Variants in ASXL1 observed in about 807,000 individuals in gnomAD.
ASXL1 encodes polycomb group protein ASXL1.
A neutral mutation model predicts 89.1 loss-of-function variants in ASXL1; 65 were observed. That is an observed-to-expected ratio of 0.73 (90% CI 0.60 to 0.90). ASXL1 has a LOEUF of 0.90. ASXL1 is among the 40% of genes least tolerant of loss of function. The probability of loss-of-function intolerance (pLI) is 0.00; values close to 1 mark genes in which losing one functional copy is unlikely to be tolerated. For synonymous variants in ASXL1, 739 were observed against 746.9 expected (o/e 0.99, Z 0.17); for missense variants, 1,786 against 1,942.9 (o/e 0.92, Z 1.52).
chr20:32,372,469 C>T (rs2048314088), intron 4 of ASXL1: 1 of 973,436 alleles, frequency 1.0e-6, no homozygotes. Flanking sequence ...CTGTAAACTC[C>T]TTGAGAGCAG....
intron 2 of ASXL1, 94 bp downstream of exon 2, chr20:32,366,560 A>G (rs770477219): frequency 6.9e-6 from 11 of 1,600,830 alleles, no homozygotes; most frequent in South Asian, 1.1e-5. Flanking sequence ...CTGTGTATGT[A>G]TTTGTGCTTC....
chr20:32,418,834 TTTTTTTTTTTTTTTTTG>T (rs2049186486), intron 4 of ASXL1, among the ~76,000 whole-genome samples: 1 of 118,064 alleles, frequency 8.5e-6, no homozygotes, highest in African/African-American at 3.7e-5. Context: ...TTTTTTTTTT[TTTTTTTTTTTTTTTTTG>T]AGACGGAGTC....
At chr20:32,375,922 A>T (rs1351541768) in intron 4 of ASXL1, among the ~76,000 whole-genome samples, 1 of 151,990 alleles carries the variant, frequency 6.6e-6, no homozygotes, top group East Asian at 1.9e-4. Flanking sequence ...ACTCGAAGCA[A>T]TCCTCCCACC....
At chr20:32,395,652 C>G (rs2048749223) in intron 4 of ASXL1, among the ~76,000 whole-genome samples, 1 of 152,176 alleles carries the variant, frequency 6.6e-6, no homozygotes, top group Non-Finnish European at 1.5e-5. Context: ...AGTCATACAA[C>G]TCACTGATGC....
chr20:32,359,380 C>T (rs2048070801), intron 1 of ASXL1: 1 of 702,412 alleles, frequency 1.4e-6, no homozygotes, highest in African/African-American at 1.7e-5. Context: ...GAACCCTGAG[C>T]AGCGGTTCTC....
At chr20:32,362,919 A>G (rs576465733) in intron 1 of ASXL1, among the ~76,000 whole-genome samples, 5 of 152,346 alleles carry the variant, frequency 3.3e-5, no homozygotes, top group South Asian at 4.1e-4. Context: ...CGAGGACGCT[A>G]AATGGATTCT....
At chr20:32,367,451 G>A (rs955983416) in intron 2 of ASXL1, among the ~76,000 whole-genome samples, 1 of 152,188 alleles carries the variant, frequency 6.6e-6, no homozygotes, top group Non-Finnish European at 1.5e-5. Flanking sequence ...CACAGTCCTT[G>A]CCTGGGACTC....
chr20:32,379,632 C>T (rs1317350967), intron 4 of ASXL1, among the ~76,000 whole-genome samples: 1 of 151,174 alleles, frequency 6.6e-6, no homozygotes, highest in African/African-American at 2.4e-5. Flanking sequence ...TTGAGACCAG[C>T]CTGGCCAACC....
intron 4 of ASXL1, among the ~76,000 whole-genome samples, chr20:32,397,811 G>T (rs748967647): frequency 6.6e-6 from 1 of 152,216 alleles, no homozygotes; most frequent in Non-Finnish European, 1.5e-5. Context: ...CCTGCTGGCC[G>T]CAGGTTGGAC....
At chr20:32,376,823 T>C (rs1438919278) in intron 4 of ASXL1, among the ~76,000 whole-genome samples, 3 of 139,964 alleles carry the variant, frequency 2.1e-5, no homozygotes, top group African/African-American at 5.3e-5. Flanking sequence ...TTTTATATAT[T>C]ATATATTATA....
chr20:32,419,495 G>A (rs545266778), intron 4 of ASXL1, among the ~76,000 whole-genome samples: 88 of 152,178 alleles, frequency 5.8e-4, no homozygotes, highest in Non-Finnish European at 1.1e-3. Context: ...TAGCCAACAT[G>A]CCTGGCCTTA....
chr20:32,403,995 A>C (rs1480722436), intron 4 of ASXL1, among the ~76,000 whole-genome samples: 1 of 152,124 alleles, frequency 6.6e-6, no homozygotes, highest in Non-Finnish European at 1.5e-5. Context: ...CATCACCTCA[A>C]ATATTTATCA....
At chr20:32,398,097 T>C (rs1317910526) in intron 4 of ASXL1, among the ~76,000 whole-genome samples, 4 of 152,270 alleles carry the variant, frequency 2.6e-5, no homozygotes, top group Non-Finnish European at 4.4e-5. Context: ...CTTTTGGGTG[T>C]GGTTTCTTTC....
In ASXL1 at chr20:32,435,072, C is replaced by A. The variant is rs1290901944; in HGVS notation, c.2360C>A (p.Thr787Asn). Residue 787 changes from threonine (T) to asparagine (N), a missense_variant, in exon 13 of 13, where the codon ACT becomes AAT. Physicochemically the swap from Thr to Asn is moderately conservative, Grantham distance 65. Around this residue, in one of 3 missense-constraint regions of ASXL1, gnomAD observed 1,418 missense variants for 1,427.8 expected, o/e 0.99. Coordinates refer to ENST00000375687, the MANE Select transcript of ASXL1 (RefSeq NM_015338.6). Reference protein sequence around the residue: ...EQPQLHPDVRTECESGTTSWE... With the variant: ...EQPQLHPDVRNECESGTTSWE... ...CCTCAGTTGCATCCGGATGTTAGAA[C>A]TGAATGTGAGTCTGGCACCACTTCC... 6.2e-7 allele frequency: 1 copy of A among 1,614,082 alleles called. No homozygotes were observed. Among genetic ancestry groups the A allele is most frequent in the Non-Finnish European group, 8.5e-7 (1 of 1,180,034 alleles).
At chr20:32,364,976 C>T (rs915381369) in intron 1 of ASXL1, among the ~76,000 whole-genome samples, 3 of 151,990 alleles carry the variant, frequency 2.0e-5, no homozygotes, top group African/African-American at 4.8e-5. Context: ...TGGGACTTGG[C>T]GGACAGATGA....
chr20:32,376,166 G>A (rs1431943603), intron 4 of ASXL1, among the ~76,000 whole-genome samples: 1 of 152,134 alleles, frequency 6.6e-6, no homozygotes, highest in Non-Finnish European at 1.5e-5. Flanking sequence ...CATAGTGGTC[G>A]ACCAAGGGCT....
In ASXL1 at chr20:32,437,334, GATA is replaced by G. The variant is rs2145398075; in HGVS notation, c.*1_*3del. ...CTCTGTGTATTGTGCCTTGTGGTGA[GATA>G]ATAAATTATGGCCATGGGAAACATT... On this transcript the variant is annotated stop_lost and inframe_deletion, in exon 13 of 13. Transcript: ENST00000375687. 6.2e-7 allele frequency: 1 copy of G among 1,613,980 alleles called. No homozygotes were observed. The highest frequency in any genetic ancestry group is 8.5e-7 in the Non-Finnish European group (1 of 1,179,968).
rs41293130 is a variant in ASXL1, at chr20:32,372,310, C to T, written c.252+3187C>T. ...GTGCTAATTGAATATTTGCTCAGTA[C>T]CTCATCTTAACTGCCTTTGGCTTTA... On this transcript the variant is annotated intron_variant, in intron 4 of 12. Transcript: ENST00000375687. The T allele has an allele frequency of 1.1e-3, 1,363 of 1,207,512 alleles. 1 individual carries two copies. The highest frequency in any genetic ancestry group is 1.3e-3 in the Non-Finnish European group (1,264 of 952,414). 74.8% of individuals were successfully genotyped at this position (1,207,512 alleles called of 1,614,324 possible). A position where few individuals can be genotyped will look rare whatever the true frequency, so the allele number is the denominator to read the frequency against.
rs2012023082 is a variant in ASXL1 at position 32,437,892 on chromosome 20, A to G, written c.*554A>G. The G allele has an allele frequency of 4.2e-6, 1 of 240,420 alleles. No individual in the cohort carries two copies. Among genetic ancestry groups the G allele is most frequent in the African/African-American group, 2.2e-5 (1 of 45,394 alleles). The allele number at this position is 240,420 out of a possible 1,614,324, so 14.9% of individuals were successfully genotyped here. A position where few individuals can be genotyped will look rare whatever the true frequency, so the allele number is the denominator to read the frequency against. On this transcript the variant is annotated 3_prime_UTR_variant, in exon 13 of 13. Coordinates refer to ENST00000375687, the MANE Select transcript of ASXL1 (RefSeq NM_015338.6). Reference sequence around the variant, plus strand: ...GAGTCATTTGCCAGTTGACGGAGCAAGTTTGACCTTGGTTCTGTTGCTGAA... The same window carrying G: ...GAGTCATTTGCCAGTTGACGGAGCAGGTTTGACCTTGGTTCTGTTGCTGAA...
Sources: gnomAD v4.1 joint callset for allele counts (sites outside exome capture counted in the v4.1 genomes callset) on GRCh38, gnomAD v4.1.1 for gene constraint, gnomAD v4.1.1 regional missense constraint, MANE v1.5 for transcripts, NCBI Gene and HGNC (gene_info 2026-07-23, HGNC 2026-07-21) for gene names.